The following FAM169A variants were observed in gnomAD, a reference collection of about 807,000 sequenced individuals.
FAM169A encodes family with sequence similarity 169 member A, also known as soluble lamin-associated protein of 75 kDa.
In FAM169A, 24 loss-of-function variants were observed where a neutral mutation model predicts 75.7. The observed-to-expected ratio is 0.32, with a 90% CI of 0.23 to 0.45. The LOEUF is 0.45. Among genes scored for constraint, FAM169A ranks in the 20% least tolerant of loss-of-function variants. The probability of loss-of-function intolerance (pLI) is 1.00; values close to 1 mark genes in which losing one functional copy is unlikely to be tolerated. For missense variants in FAM169A, 673 were observed against 784.0 expected (o/e 0.86, Z 1.69); for synonymous variants, 271 against 271.0 (o/e 1.00, Z 0.00).
chr5:74,840,747 T>C (rs1421829417), intron 2 of FAM169A, among the ~76,000 whole-genome samples: 1 of 150,950 alleles, frequency 6.6e-6, no homozygotes, highest in Non-Finnish European at 1.5e-5. Context: ...GAGAATGGCG[T>C]GAACCCAGGA....
At chr5:74,824,716 CACACACACACACAT>C (rs1418636879) in intron 5 of FAM169A, among the ~76,000 whole-genome samples, 2 of 151,462 alleles carry the variant, frequency 1.3e-5, no homozygotes, top group East Asian at 1.9e-4. Flanking sequence ...CATACACACA[CACACACACACACAT>C]ACACACACAC....
intron 1 of FAM169A, among the ~76,000 whole-genome samples, chr5:74,860,529 C>T (rs576226285): frequency 6.6e-6 from 1 of 152,290 alleles, no homozygotes; most frequent in South Asian, 2.1e-4. Flanking sequence ...CTACACCAAA[C>T]TGACCACCTT....
chr5:74,841,788 T>C, intron 1 of FAM169A, 109 bp from the exon 2 acceptor site: 1 of 998,090 alleles, frequency 1.0e-6, no homozygotes. Context: ...TATAACAAGA[T>C]TTTTCTGTTT....
At chr5:74,853,577 T>C (rs993892906) in intron 1 of FAM169A, among the ~76,000 whole-genome samples, 1 of 152,160 alleles carries the variant, frequency 6.6e-6, no homozygotes, top group Non-Finnish European at 1.5e-5. Flanking sequence ...TATCTAAGTG[T>C]AATAAAATTA....
chr5:74,801,522 C>T, intron 9 of FAM169A, 68 bp downstream of exon 9: 1 of 1,157,136 alleles, frequency 8.6e-7, no homozygotes, highest in Non-Finnish European at 1.3e-6. Context: ...CATGCATGCA[C>T]ACACACACAC....
At position 74,840,063 on chromosome 5, in the gene FAM169A, C is replaced by T. The variant is rs1561318175; in HGVS notation, c.232+11G>A. On this transcript the variant is annotated intron_variant, in intron 3 of 12. Transcript: ENST00000687041. The stretch of plus-strand genomic sequence containing the variant: ...AATTCCTTAATTTATAAAAATTAAG[C>T]AAAAAGAGACCTGTCAGTGAATCTT... 1.4e-6 allele frequency: 2 copies of T among 1,418,636 alleles called. No individual in the cohort carries two copies. Among genetic ancestry groups the T allele is most frequent in the Non-Finnish European group, 1.9e-6 (2 of 1,033,418 alleles). The allele number at this position is 1,418,636 out of a possible 1,614,324, so 87.9% of individuals were successfully genotyped here.
chr5:74,838,838 G>GA (rs1234695246), intron 4 of FAM169A, 127 bp downstream of exon 4: 2 of 718,614 alleles, frequency 2.8e-6, no homozygotes, highest in Non-Finnish European at 4.9e-6. Context: ...TCGTAAGAAT[G>GA]AAATTCTAGG....
At chr5:74,794,868 T>C (rs1356286673) in intron 11 of FAM169A, among the ~76,000 whole-genome samples, 3 of 151,570 alleles carry the variant, frequency 2.0e-5, no homozygotes, top group Non-Finnish European at 2.9e-5. Context: ...GGCAGGAGAA[T>C]TGCTTAAACC....
At chr5:74,805,731 A>G (rs1746843695) in intron 6 of FAM169A, among the ~76,000 whole-genome samples, 1 of 151,862 alleles carries the variant, frequency 6.6e-6, no homozygotes, top group Non-Finnish European at 1.5e-5. Flanking sequence ...TTTTAAAGAA[A>G]AAAATGATTA....
At chr5:74,844,983 G>A (rs1421165292) in intron 1 of FAM169A, among the ~76,000 whole-genome samples, 2 of 152,074 alleles carry the variant, frequency 1.3e-5, no homozygotes, top group African/African-American at 4.8e-5. Context: ...TTATAAAGGG[G>A]AAGGCAGAAG....
Position 74,834,555 on chromosome 5 carries a change from G to C in FAM169A, c.361C>G (p.Arg121Gly). 6.3e-7 allele frequency: 1 copy of C among 1,598,960 alleles called. No homozygotes were observed. The highest frequency in any genetic ancestry group is 8.5e-7 in the Non-Finnish European group (1 of 1,173,594). The change falls in exon 5 of 13, where the codon CGA (arginine) becomes GGA (glycine). Residue 121 changes from arginine (R) to glycine (G), a missense_variant. Arg to Gly is a moderately radical substitution (Grantham distance 125). Coordinates refer to ENST00000687041, the MANE Select transcript of FAM169A (RefSeq NM_001376049.1). ...GERVVLYVLN[R>G]IIYRKQEMER... ...ATTTCCTGTTTTCTATAAATAATTC[G>C]ATTCAGAACATACAGAACCACTCTC...
intron 1 of FAM169A, among the ~76,000 whole-genome samples, chr5:74,856,405 C>T: frequency 6.6e-6 from 1 of 152,130 alleles, no homozygotes; most frequent in Admixed American, 6.5e-5. Flanking sequence ...TTGATTCTTC[C>T]AATATATGGA....
At chr5:74,817,339 AG>A (rs1747522854) in intron 5 of FAM169A, among the ~76,000 whole-genome samples, 1 of 152,152 alleles carries the variant, frequency 6.6e-6, no homozygotes, top group Admixed American at 6.5e-5. Flanking sequence ...AAAACTATTA[AG>A]TTCAGCAAGG....
chr5:74,843,928 T>C (rs2112685156), intron 1 of FAM169A, among the ~76,000 whole-genome samples: 1 of 152,298 alleles, frequency 6.6e-6, no homozygotes, highest in South Asian at 2.1e-4. Flanking sequence ...TACTGCATCC[T>C]GATGTGATTC....
At chr5:74,799,959 C>A in intron 10 of FAM169A, 2 of 815,714 alleles carry the variant, frequency 2.5e-6, no homozygotes, top group Non-Finnish European at 4.4e-6. Context: ...GAAGATGCTG[C>A]GCCAGAATAG....
At chr5:74,858,815 T>C (rs1171127125) in intron 1 of FAM169A, among the ~76,000 whole-genome samples, 1 of 152,202 alleles carries the variant, frequency 6.6e-6, no homozygotes, top group Non-Finnish European at 1.5e-5. Flanking sequence ...CTCATGAGTA[T>C]AAATAATACA....
Position 74,866,319 on chromosome 5 carries a change from C to A in FAM169A, c.-158G>T. 1 of 984,482 alleles carries A rather than the reference C, an allele frequency of 1.0e-6. No individual in the cohort carries two copies. Among genetic ancestry groups the A allele is most frequent in the South Asian group, 4.7e-5 (1 of 21,292 alleles). The allele number at this position is 984,482 out of a possible 1,614,324, so 61.0% of individuals were successfully genotyped here. ...GGCGAGTGCGGCTGCCTCCCGCTCGCCCCGGACGCCCGGCTCCTCGTCGCG... is the reference window on the plus strand; with the variant it reads ...GGCGAGTGCGGCTGCCTCCCGCTCGACCCGGACGCCCGGCTCCTCGTCGCG... On this transcript the variant is annotated 5_prime_UTR_variant, in exon 1 of 13. Coordinates refer to ENST00000687041, the MANE Select transcript of FAM169A (RefSeq NM_001376049.1).
chr5:74,801,726 T>G, intron 8 of FAM169A, 97 bp from the exon 9 acceptor site: 1 of 891,684 alleles, frequency 1.1e-6, no homozygotes, highest in Non-Finnish European at 1.8e-6. Flanking sequence ...TTGTAAAATG[T>G]TTTCCAAATA....
intron 11 of FAM169A, among the ~76,000 whole-genome samples, chr5:74,792,524 TCCTTGCTCCCTTGCTC>T (rs140520337): frequency 2.6e-5 from 4 of 151,612 alleles, no homozygotes; most frequent in Non-Finnish European, 4.4e-5. Flanking sequence ...CTTCCTTGCT[TCCTTGCTCCCTTGCTC>T]CCTTGCTCCC....
Sources: gnomAD v4.1 joint callset for allele counts (sites outside exome capture counted in the v4.1 genomes callset) on GRCh38, gnomAD v4.1.1 for gene constraint, MANE v1.5 for transcripts, NCBI Gene and HGNC (gene_info 2026-07-23, HGNC 2026-07-21) for gene names.